Variants in NAALADL2 observed in about 807,000 individuals in gnomAD.
NAALADL2 encodes N-acetylated alpha-linked acidic dipeptidase like 2.
A neutral mutation model predicts 87.2 loss-of-function variants in NAALADL2; 76 were observed. That is an observed-to-expected ratio of 0.87 (90% confidence interval 0.72 to 1.05). The LOEUF (loss-of-function observed/expected upper bound fraction) is 1.05, where lower values mean the gene tolerates loss of function less well. NAALADL2 is among the 50% of genes least tolerant of loss of function. The pLI, the probability that NAALADL2 is intolerant of heterozygous loss-of-function variation, is 0.00. For synonymous variants in NAALADL2, 354 were observed against 331.0 expected (o/e 1.07, Z -0.75); for missense variants, 1,089 against 945.8 (o/e 1.15, Z -1.99).
chr3:174,971,160 T>C (rs1743583616), intron 1 of NAALADL2, among the ~76,000 whole-genome samples: 1 of 152,110 alleles, frequency 6.6e-6, no homozygotes, highest in Admixed American at 6.5e-5. Flanking sequence ...GCCCCCATAA[T>C]TCAATTACCT....
intron 10 of NAALADL2, among the ~76,000 whole-genome samples, chr3:175,617,231 T>C (rs1725470499): frequency 6.6e-6 from 1 of 152,102 alleles, no homozygotes; most frequent in South Asian, 2.1e-4. Context: ...AGAACAGAAA[T>C]GGTTACTCTG....
rs375815258 is a variant in NAALADL2 at position 175,362,008 on chromosome 3, G to A, written c.1090+37683G>A. The stretch of plus-strand genomic sequence containing the variant: ...GGGTTTTTATGGTTTTAGGTCTAAC[G>A]TTTAAGTCTTTAATCCATCTTGAAT... On this transcript the variant is annotated intron_variant, in intron 5 of 13. Transcript: ENST00000454872. Among the ~76,000 whole-genome samples, 237 of 147,726 alleles carry A rather than the reference G, an allele frequency of 1.6e-3. 11 individuals are homozygous for A. Among genetic ancestry groups the A allele is most frequent in the African/African-American group, 5.2e-3 (213 of 40,866 alleles).
intron 10 of NAALADL2, among the ~76,000 whole-genome samples, chr3:175,619,925 G>C (rs754329908): frequency 5.3e-5 from 8 of 151,834 alleles, no homozygotes; most frequent in Non-Finnish European, 1.2e-4. Flanking sequence ...AACTGGATTG[G>C]AAAAAAGCCA....
Position 174,804,128 on chromosome 3 carries a change from G to A in NAALADL2, c.-9+66382G>A, listed in dbSNP as rs1247470021. Among the ~76,000 whole-genome samples the A allele has an allele frequency of 1.5e-4, 23 of 151,952 alleles. 1 individual carries two copies. Among genetic ancestry groups the A allele is most frequent in the Admixed American group, 1.5e-3 (23 of 15,226 alleles). On this transcript the variant is annotated intron_variant, in intron 3 of 3. Transcript: ENST00000434257. ...ATGGAATGTTCTTCCATTTGTTTGTGTCCTCTTTTATTTTGTTGAGCAGTG... is the reference window on the plus strand; with the variant it reads ...ATGGAATGTTCTTCCATTTGTTTGTATCCTCTTTTATTTTGTTGAGCAGTG...
At chr3:175,440,530 T>G (rs1719552719) in intron 5 of NAALADL2, among the ~76,000 whole-genome samples, 1 of 152,188 alleles carries the variant, frequency 6.6e-6, no homozygotes, top group Non-Finnish European at 1.5e-5. Context: ...AGGATGTGTT[T>G]CCATTTGTTT....
chr3:175,734,840 G>T (rs187008290), intron 11 of NAALADL2, among the ~76,000 whole-genome samples: 16 of 152,300 alleles, frequency 1.1e-4, no homozygotes, highest in East Asian at 1.9e-4. Flanking sequence ...AGGGGCTGCC[G>T]CAAAGGTCTC....
At chr3:175,369,533 A>G (rs139526230) in intron 5 of NAALADL2, 2 of 152,456 alleles carry the variant, frequency 1.3e-5, no homozygotes, top group African/African-American at 4.8e-5. Flanking sequence ...GTGTATGTGT[A>G]TATATACATG....
intron 2 of NAALADL2, among the ~76,000 whole-genome samples, chr3:175,193,915 A>G (rs946875142): frequency 6.6e-6 from 1 of 151,640 alleles, no homozygotes. Context: ...GTGACTAAAC[A>G]TAATACCATT....
intron 9 of NAALADL2, among the ~76,000 whole-genome samples, chr3:175,558,827 C>G (rs13326052): frequency 0.046 from 7,043 of 152,118 alleles, 442 homozygotes; most frequent in African/African-American, 0.13. Context: ...ATTACTATAA[C>G]TCTGTAGTAT....
intron 3 of NAALADL2, among the ~76,000 whole-genome samples, chr3:175,245,832 A>G (rs890268821): frequency 1.3e-5 from 2 of 152,206 alleles, no homozygotes; most frequent in African/African-American, 4.8e-5. Flanking sequence ...TTGGAGGTCC[A>G]TTTTAACTGA....
chr3:175,114,940 G>A (rs1433595435), intron 2 of NAALADL2, among the ~76,000 whole-genome samples: 5 of 151,516 alleles, frequency 3.3e-5, no homozygotes, highest in Admixed American at 1.3e-4. Flanking sequence ...TTCTCTTTAC[G>A]AATTACATTA....
chr3:174,797,604 A>G (rs1718298735), intron 3 of NAALADL2, among the ~76,000 whole-genome samples: 1 of 152,046 alleles, frequency 6.6e-6, no homozygotes, highest in Non-Finnish European at 1.5e-5. Flanking sequence ...CTGGTAGTAT[A>G]GTTTGAAGTC....
chr3:175,804,354 TAA>T lies in NAALADL2; in HGVS notation c.*1152_*1153del, dbSNP rs1398393967. The T allele has an allele frequency of 6.6e-6, 1 of 151,708 alleles. No homozygotes were observed. The highest frequency in any genetic ancestry group is 2.4e-5 in the African/African-American group (1 of 41,382). The allele number at this position is 151,708 out of a possible 1,614,324, so 9.4% of individuals were successfully genotyped here. Reference sequence around the variant, plus strand: ...CTTCTAAGTTTCTGCAGTGTTACTGTAAGAGAGTGTCTCGTCTACACTTCAGT... The same window carrying T: ...CTTCTAAGTTTCTGCAGTGTTACTGTGAGAGTGTCTCGTCTACACTTCAGT... On this transcript the variant is annotated 3_prime_UTR_variant, in exon 14 of 14. Transcript: ENST00000454872.
intron 9 of NAALADL2, among the ~76,000 whole-genome samples, chr3:175,523,110 C>T (rs1258038991): frequency 1.3e-5 from 2 of 152,124 alleles, no homozygotes; most frequent in African/African-American, 2.4e-5. Flanking sequence ...ATGGAATCAG[C>T]GGTTCTACCA....
chr3:174,596,834 ATTAATG>A (rs1415952694), intron 2 of NAALADL2, among the ~76,000 whole-genome samples: 4 of 152,204 alleles, frequency 2.6e-5, no homozygotes, highest in Non-Finnish European at 5.9e-5. Context: ...GACATCTTTT[ATTAATG>A]TCCCAAAGGA....
chr3:175,183,972 T>C (rs143463303), intron 2 of NAALADL2, among the ~76,000 whole-genome samples: 15 of 140,682 alleles, frequency 1.1e-4, no homozygotes, highest in African/African-American at 3.3e-4. Context: ...AAAGTGAGAC[T>C]GTTTCCCTTT....
At chr3:175,317,037 G>T (rs1759233765) in intron 4 of NAALADL2, among the ~76,000 whole-genome samples, 1 of 152,080 alleles carries the variant, frequency 6.6e-6, no homozygotes, top group Admixed American at 6.6e-5. Context: ...ATCACATATT[G>T]GGCTGTATCC....
At chr3:175,030,791 A>T (rs1486886146) in intron 1 of NAALADL2, among the ~76,000 whole-genome samples, 1 of 152,064 alleles carries the variant, frequency 6.6e-6, no homozygotes, top group African/African-American at 2.4e-5. Context: ...AAGCTCTTGT[A>T]TTTGTTCAAT....
At chr3:175,425,201 G>A (rs1249985614) in intron 5 of NAALADL2, among the ~76,000 whole-genome samples, 1 of 152,096 alleles carries the variant, frequency 6.6e-6, no homozygotes, top group Admixed American at 6.6e-5. Flanking sequence ...GGAGAAGCAT[G>A]GGGAGAAGTG....
Sources: allele counts gnomAD v4.1 joint callset (sites outside exome capture counted in the v4.1 genomes callset), GRCh38; gene constraint gnomAD v4.1.1; transcripts MANE v1.5; gene names NCBI Gene and HGNC (gene_info 2026-07-23, HGNC 2026-07-21).